Variants in ELFN2 observed in about 807,000 individuals in gnomAD.
The protein encoded by ELFN2 is extracellular leucine rich repeat and fibronectin type III domain containing 2.
In ELFN2, 17 loss-of-function variants were observed where a neutral mutation model predicts 45.5. The observed-to-expected ratio is 0.37, with a 90% CI of 0.26 to 0.56. The LOEUF (loss-of-function observed/expected upper bound fraction) is 0.56, where lower values mean the gene tolerates loss of function less well. Ranked by LOEUF, ELFN2 falls within the 20% of genes least tolerant of loss-of-function variation. ELFN2 has a pLI of 0.77. For missense variants in ELFN2, 922 were observed against 1,183.2 expected, an observed-to-expected ratio of 0.78 and a Z score of 3.24; for synonymous variants, 550 against 551.5, an observed-to-expected ratio of 1.00 and a Z score of 0.04.
In ELFN2 at chr22:37,373,558, G is replaced by A. The variant is rs1486119154; in HGVS notation, c.1977C>T (p.Gly659=). The A allele has an allele frequency of 5.6e-6, 9 of 1,600,508 alleles. No homozygotes were observed. In the East Asian group the frequency reaches 9.0e-5, roughly 16 times the overall value. The change falls in exon 3 of 3, where the codon GGC becomes GGT. Residue 659 remains glycine (G), a synonymous_variant. Coordinates refer to ENST00000402918, the MANE Select transcript of ELFN2 (RefSeq NM_052906.5). ...DHPAATGLAK[G]DSKYIEKGSP... Reference sequence around the variant, plus strand: ...TGCCCTTCTCGATGTACTTGGAGTCGCCCTTAGCCAGCCCTGTGGCGGCCG... The same window carrying A: ...TGCCCTTCTCGATGTACTTGGAGTCACCCTTAGCCAGCCCTGTGGCGGCCG...
At chr22:37,381,386 A>G (rs902086982) in intron 2 of ELFN2, among the ~76,000 whole-genome samples, 1 of 152,270 alleles carries the variant, frequency 6.6e-6, no homozygotes, top group South Asian at 2.1e-4. Flanking sequence ...GTTTCCATCA[A>G]TCAGGAAGTA....
chr22:37,393,786 T>G (rs1601758255), intron 2 of ELFN2, among the ~76,000 whole-genome samples: 1 of 152,276 alleles, frequency 6.6e-6, no homozygotes, highest in Non-Finnish European at 1.5e-5. Flanking sequence ...TCGGCCACCC[T>G]CTTGCCCTGG....
chr22:37,390,854 C>T (rs1932069693), intron 2 of ELFN2, among the ~76,000 whole-genome samples: 1 of 152,158 alleles, frequency 6.6e-6, no homozygotes, highest in South Asian at 2.1e-4. Flanking sequence ...GTTTTCTGAC[C>T]CCAGCCAGGC....
intron 1 of ELFN2, chr22:37,354,399 C>T (rs1930898967): frequency 1.3e-5 from 2 of 152,188 alleles, no homozygotes; most frequent in South Asian, 4.1e-4. Flanking sequence ...TTATAATTAA[C>T]TTCACAAATA....
chr22:37,392,178 G>A (rs952696476), intron 2 of ELFN2, among the ~76,000 whole-genome samples: 4 of 152,146 alleles, frequency 2.6e-5, no homozygotes, highest in Non-Finnish European at 4.4e-5. Flanking sequence ...CTCTGCCCCC[G>A]TCTCTAAAAA....
In ELFN2 at chr22:37,426,344, A is replaced by ACG. The variant is rs1423485103; in HGVS notation, c.-614+952_-614+953dup. 2.2e-3 allele frequency among the ~76,000 whole-genome samples: 307 copies of ACG among 138,718 alleles called. 1 individual carries two copies. The highest frequency in any genetic ancestry group is 7.1e-3 in the African/African-American group (278 of 39,288). 91.0% of individuals were successfully genotyped at this position (138,718 alleles called of 152,430 possible). A position where few individuals can be genotyped will look rare whatever the true frequency, so the allele number is the denominator to read the frequency against. ...ACAAGCTCCCCGAGTGTGCATGCAC[A>ACG]CGCGCGCGCGCGCACACACACACAC... On this transcript the variant is annotated intron_variant, in intron 1 of 2. Transcript: ENST00000402918.
In ELFN2 at chr22:37,373,686, G is replaced by A; in HGVS notation, c.1849C>T (p.Gln617Ter). The change falls in exon 3 of 3, where the codon CAG (glutamine) becomes TAG (stop). Residue 617 changes from glutamine (Q) to a stop codon, truncating the protein, a stop_gained. Transcript: ENST00000402918. LOFTEE classifies it high-confidence loss of function. ...KESSHHPLQR[Q>*]LSADAAVTRK... ...GTCACGGCCGCGTCGGCGCTCAGCT[G>A]GCGCTGTAGTGGGTGGTGGGAGCTC... The A allele has an allele frequency of 6.4e-7, 1 of 1,565,242 alleles. No individual in the cohort carries two copies. The highest frequency in any genetic ancestry group is 8.6e-7 in the Non-Finnish European group (1 of 1,159,024).
chr22:37,373,289 C>G lies in ELFN2; in HGVS notation c.2246G>C (p.Arg749Thr), dbSNP rs1569131546. The G allele has an allele frequency of 6.2e-7, 1 of 1,613,710 alleles. No homozygotes were observed. Among genetic ancestry groups the G allele is most frequent in the Admixed American group, 1.7e-5 (1 of 60,016 alleles). The change falls in exon 3 of 3, where the codon AGA (arginine) becomes ACA (threonine). Residue 749 changes from arginine to threonine, a missense_variant. Around this residue, in one of 2 missense-constraint regions of ELFN2, gnomAD observed 564 missense variants for 642.8 expected, o/e 0.88. Coordinates refer to ENST00000402918, the MANE Select transcript of ELFN2 (RefSeq NM_052906.5). Reference sequence around the variant, plus strand: ...GGAGGAGTACCCTGAGTAGTAGTGTCTGGGGGAGAGCTGCGAGTAGGTGGA... The same window carrying G: ...GGAGGAGTACCCTGAGTAGTAGTGTGTGGGGGAGAGCTGCGAGTAGGTGGA... ...RDSTYSQLSP[R>T]HYYSGYSSSP...
intron 1 of ELFN2, among the ~76,000 whole-genome samples, chr22:37,361,350 C>A (rs1399724526): frequency 6.7e-6 from 1 of 148,998 alleles, no homozygotes; most frequent in East Asian, 2.0e-4. Context: ...ACCCCCTTAT[C>A]CTGCCCTCCA....
At chr22:37,363,502 G>A (rs1039332055), downstream of ELFN2, among the ~76,000 whole-genome samples, 4 of 152,114 alleles carry the variant, frequency 2.6e-5, no homozygotes, top group Admixed American at 6.6e-5. Context: ...GAAGATGCGC[G>A]GTCTGAGATG....
intron 2 of ELFN2, among the ~76,000 whole-genome samples, chr22:37,377,109 T>G (rs2145639604): frequency 6.6e-6 from 1 of 152,340 alleles, no homozygotes; most frequent in African/African-American, 2.4e-5. Flanking sequence ...AGCAGGGGAC[T>G]CATGCCGCCC....
At chr22:37,411,611 C>A (rs1034761214) in intron 2 of ELFN2, among the ~76,000 whole-genome samples, 3 of 152,104 alleles carry the variant, frequency 2.0e-5, no homozygotes, top group Non-Finnish European at 2.9e-5. Context: ...AGCCCTTCAT[C>A]TCTGCCTCCC....
Position 37,427,343 on chromosome 22 carries a change from G to T in ELFN2, c.-659C>A. On this transcript the variant is annotated 5_prime_UTR_variant, in exon 1 of 3. Transcript: ENST00000402918. ...GGGCCAAGCACCGCCTCCGGGAAGC[G>T]GCGGCCGCGGGGCCTGCGCGTGTGA... The T allele has an allele frequency of 6.5e-6, 1 of 153,016 alleles. No homozygotes were observed. Among genetic ancestry groups the T allele is most frequent in the Non-Finnish European group, 1.5e-5 (1 of 68,564 alleles). The allele number at this position is 153,016 out of a possible 1,614,324, so 9.5% of individuals were successfully genotyped here.
chr22:37,346,108 G>A (rs939679382), intron 1 of ELFN2, among the ~76,000 whole-genome samples: 12 of 152,246 alleles, frequency 7.9e-5, no homozygotes, highest in Admixed American at 7.9e-4. Context: ...AGGTTGATGT[G>A]AGAATTAAGG....
chr22:37,367,282 T>C (rs2145626740), downstream of ELFN2, among the ~76,000 whole-genome samples: 1 of 152,218 alleles, frequency 6.6e-6, no homozygotes, highest in Non-Finnish European at 1.5e-5. Flanking sequence ...CTGACCTGAG[T>C]GCCTCAGCCT....
chr22:37,403,313 C>T (rs1932411135), intron 2 of ELFN2, among the ~76,000 whole-genome samples: 2 of 152,134 alleles, frequency 1.3e-5, no homozygotes, highest in Non-Finnish European at 2.9e-5. Flanking sequence ...CTAGACATCC[C>T]TACCACCACC....
At chr22:37,416,602 G>GT (rs1299727360) in intron 2 of ELFN2, among the ~76,000 whole-genome samples, 6 of 152,150 alleles carry the variant, frequency 3.9e-5, no homozygotes, top group African/African-American at 7.2e-5. Context: ...GAAGGGCTGG[G>GT]TGGAGGCACT....
chr22:37,405,090 A>ATTTT (rs745621772), intron 2 of ELFN2, among the ~76,000 whole-genome samples: 3 of 124,052 alleles, frequency 2.4e-5, no homozygotes, highest in Admixed American at 8.6e-5. Context: ...GAACCTCAGC[A>ATTTT]TTTTTTTTTT....
intron 2 of ELFN2, among the ~76,000 whole-genome samples, chr22:37,342,374 A>G (rs2145605683): frequency 6.6e-6 from 1 of 152,136 alleles, no homozygotes; most frequent in African/African-American, 2.4e-5. Flanking sequence ...CCTGTTCCCC[A>G]GTGTCTCCTG....
Sources: allele counts gnomAD v4.1 joint callset (sites outside exome capture counted in the v4.1 genomes callset), GRCh38; gene constraint gnomAD v4.1.1; regional missense constraint gnomAD v4.1.1; transcripts MANE v1.5; gene names NCBI Gene and HGNC (gene_info 2026-07-23, HGNC 2026-07-21).